POFUT3: variants seen among roughly 807,000 people sequenced by gnomAD.
POFUT3 encodes the protein protein O-fucosyltransferase 3.
the POFUT3 span, among the ~76,000 whole-genome samples, chr8:33,380,997 C>A: frequency 6.6e-6 from 1 of 151,826 alleles, no homozygotes; most frequent in Admixed American, 6.6e-5. Context: ...ATTAACCAGG[C>A]ATGGTGACAT....
chr8:33,402,592 T>C, the POFUT3 span, among the ~76,000 whole-genome samples: 2 of 152,180 alleles, frequency 1.3e-5, no homozygotes, highest in African/African-American at 4.8e-5. Flanking sequence ...TGGTCCAGGA[T>C]TTTTGGTCCA....
chr8:33,468,868 G>A, the POFUT3 span, among the ~76,000 whole-genome samples: 1 of 152,110 alleles, frequency 6.6e-6, no homozygotes, highest in Non-Finnish European at 1.5e-5. Flanking sequence ...AGAAAACAGG[G>A]AGCTCTGGGA....
At chr8:33,334,874 A>G in the POFUT3 span, among the ~76,000 whole-genome samples, 2 of 152,202 alleles carry the variant, frequency 1.3e-5, no homozygotes, top group African/African-American at 4.8e-5. Flanking sequence ...TCTGGGAGGC[A>G]TAAGGTGAGA....
chr8:33,430,883 C>T, the POFUT3 span, among the ~76,000 whole-genome samples: 2 of 152,184 alleles, frequency 1.3e-5, no homozygotes, highest in African/African-American at 4.8e-5. Flanking sequence ...GCTGCGATTA[C>T]AGGCGTGAGC....
At chr8:33,362,439 T>C in the POFUT3 span, among the ~76,000 whole-genome samples, 89 of 152,262 alleles carry the variant, frequency 5.8e-4, 1 homozygote, top group Middle Eastern at 0.014. Flanking sequence ...TAAATATAAA[T>C]GGGCTAAATG....
chr8:33,325,282 A>G, the POFUT3 span, among the ~76,000 whole-genome samples: 1 of 151,914 alleles, frequency 6.6e-6, no homozygotes, highest in Admixed American at 6.6e-5. Context: ...AATTTCTCAC[A>G]CTCAATTCAA....
At chr8:33,382,969 C>T in the POFUT3 span, among the ~76,000 whole-genome samples, 5 of 152,098 alleles carry the variant, frequency 3.3e-5, no homozygotes, top group African/African-American at 1.2e-4. Flanking sequence ...ATATCACACA[C>T]GTGCAACCCA....
At chr8:33,386,447 A>G in the POFUT3 span, among the ~76,000 whole-genome samples, 2 of 152,140 alleles carry the variant, frequency 1.3e-5, no homozygotes, top group African/African-American at 4.8e-5. Context: ...ACCTTTGGGC[A>G]TTCTGAAATG....
At chr8:33,351,513 C>A in the POFUT3 span, among the ~76,000 whole-genome samples, 1 of 152,104 alleles carries the variant, frequency 6.6e-6, no homozygotes, top group Admixed American at 6.5e-5. Flanking sequence ...AAGAGCCCTG[C>A]ACCTCCTGCC....
the POFUT3 span, among the ~76,000 whole-genome samples, chr8:33,426,074 T>G: frequency 6.6e-6 from 1 of 151,900 alleles, no homozygotes; most frequent in Non-Finnish European, 1.5e-5. Context: ...CAGCTAATTT[T>G]TTGTATTTTC....
the POFUT3 span, chr8:33,389,360 G>T: frequency 6.2e-7 from 1 of 1,614,158 alleles, no homozygotes; most frequent in Non-Finnish European, 8.5e-7. Flanking sequence ...CTTATACTGT[G>T]CAATGATCCT....
the POFUT3 span, among the ~76,000 whole-genome samples, chr8:33,400,269 T>C: frequency 2.0e-5 from 3 of 151,296 alleles, no homozygotes; most frequent in African/African-American, 4.9e-5. Flanking sequence ...CTGGCCAAGA[T>C]GGTGAAACTC....
chr8:33,426,093 T>C, the POFUT3 span, among the ~76,000 whole-genome samples: 3 of 151,852 alleles, frequency 2.0e-5, no homozygotes, highest in African/African-American at 7.3e-5. Flanking sequence ...TCAGTAGAGA[T>C]GGGGTTTCGC....
the POFUT3 span, among the ~76,000 whole-genome samples, chr8:33,368,459 C>T: frequency 6.6e-6 from 1 of 152,184 alleles, no homozygotes; most frequent in Non-Finnish European, 1.5e-5. Flanking sequence ...TAAAAGTAAG[C>T]TCCCATGCAT....
At chr8:33,468,536 G>A in the POFUT3 span, among the ~76,000 whole-genome samples, 9 of 152,226 alleles carry the variant, frequency 5.9e-5, no homozygotes, top group South Asian at 2.1e-4. Flanking sequence ...ACTGGATAAC[G>A]TATAAATCTC....
the POFUT3 span, chr8:33,436,327 C>A: frequency 7.5e-7 from 1 of 1,329,880 alleles, no homozygotes; most frequent in South Asian, 1.2e-5. Context: ...GTCTCCACTG[C>A]ATCCTCTGCC....
chr8:33,401,820 G>T, the POFUT3 span, among the ~76,000 whole-genome samples: 1 of 152,276 alleles, frequency 6.6e-6, no homozygotes, highest in Non-Finnish European at 1.5e-5. Context: ...TTGAGGTCAG[G>T]AGTTTGAGAC....
chr8:33,430,395 C>G, the POFUT3 span, among the ~76,000 whole-genome samples: 4 of 152,060 alleles, frequency 2.6e-5, no homozygotes, highest in Non-Finnish European at 5.9e-5. Flanking sequence ...GATCGTTTGC[C>G]TTTGCTTCAA....
At chr8:33,310,102 G>C in the POFUT3 span, among the ~76,000 whole-genome samples, 1 of 152,136 alleles carries the variant, frequency 6.6e-6, no homozygotes, top group East Asian at 1.9e-4. Flanking sequence ...ATGTGGATCT[G>C]TTGACTGGGC....
Sources: gnomAD v4.1 joint callset for allele counts (sites outside exome capture counted in the v4.1 genomes callset) on GRCh38, gnomAD v4.1.1 for gene constraint, MANE v1.5 for transcripts, NCBI Gene and HGNC (gene_info 2026-07-23, HGNC 2026-07-21) for gene names.